The following PADI6 variants were observed in gnomAD, a reference collection of about 807,000 sequenced individuals.
PADI6 encodes inactive protein-arginine deiminase type-6.
PADI6 carries 66 observed loss-of-function variants against 78.2 expected under a neutral mutation model. That is an observed-to-expected ratio of 0.84 (90% confidence interval 0.69 to 1.04). PADI6 has a LOEUF of 1.04. Among genes scored for constraint, PADI6 ranks in the 50% least tolerant of loss-of-function variants. The probability of loss-of-function intolerance (pLI) is 0.00; values close to 1 mark genes in which losing one functional copy is unlikely to be tolerated. For missense variants in PADI6, 854 were observed against 866.1 expected, an observed-to-expected ratio of 0.99 and a Z score of 0.18; for synonymous variants, 397 against 346.9, an observed-to-expected ratio of 1.14 and a Z score of -1.60.
At chr1:17,379,572 T>C (rs924305180) in intron 3 of PADI6, among the ~76,000 whole-genome samples, 1 of 152,198 alleles carries the variant, frequency 6.6e-6, no homozygotes, top group African/African-American at 2.4e-5. Context: ...GCCTTTCCTA[T>C]GTCTTGGAGC....
In PADI6 at chr1:17,395,672, A is replaced by C. The variant is rs2075239401; in HGVS notation, c.1618+9A>C. 6.2e-7 allele frequency: 1 copy of C among 1,608,884 alleles called. No individual in the cohort carries two copies. Among genetic ancestry groups the C allele is most frequent in the Non-Finnish European group, 8.5e-7 (1 of 1,176,882 alleles). Reference sequence around the variant, plus strand: ...TCAGCTCCTGTCTAATGGTAAGGGAACTCCCTTTCCACAGAACAGAACTGG... The same window carrying C: ...TCAGCTCCTGTCTAATGGTAAGGGACCTCCCTTTCCACAGAACAGAACTGG... On this transcript the variant is annotated intron_variant, in intron 13 of 15. Coordinates refer to ENST00000619609, the MANE Select transcript of PADI6 (RefSeq NM_207421.4).
At chr1:17,384,466 G>T (rs146614666) in intron 6 of PADI6, among the ~76,000 whole-genome samples, 1 of 151,040 alleles carries the variant, frequency 6.6e-6, no homozygotes, top group African/African-American at 2.4e-5. Context: ...CTGGCCAGGC[G>T]TGGTGGTTCA....
intron 12 of PADI6, 52 bp from the exon 13 acceptor site, chr1:17,395,488 C>A: frequency 1.3e-6 from 2 of 1,536,950 alleles, no homozygotes; most frequent in South Asian, 2.4e-5. Context: ...CAGATATGAG[C>A]CACCATGTCC....
chr1:17,396,364 C>G (rs1409486623), intron 13 of PADI6, among the ~76,000 whole-genome samples: 2 of 152,070 alleles, frequency 1.3e-5, no homozygotes, highest in Non-Finnish European at 2.9e-5. Flanking sequence ...CCAGCCTGGG[C>G]CACAGAGCAA....
intron 6 of PADI6, among the ~76,000 whole-genome samples, chr1:17,382,670 C>CTTG (rs142438786): frequency 0.11 from 16,044 of 152,236 alleles, 891 homozygotes; most frequent in Non-Finnish European, 0.13. Context: ...GCAAAACAGC[C>CTTG]TTGCACATCT....
At chr1:17,393,039 T>C (rs10888031) in intron 9 of PADI6, among the ~76,000 whole-genome samples, 236 of 151,752 alleles carry the variant, frequency 1.6e-3, no homozygotes, top group African/African-American at 5.4e-3. Context: ...CCACCTACTC[T>C]GGTCACTGAG....
intron 14 of PADI6, 37 bp from the exon 15 acceptor site, chr1:17,398,649 C>CGGGGGGGGGG: frequency 1.1e-5 from 1 of 91,312 alleles, no homozygotes. Flanking sequence ...TCTCCTTGCT[C>CGGGGGGGGGG]CCCCGCCCCC....
Position 17,380,194 on chromosome 1 carries a change from GT to G in PADI6, c.435+216del, listed in dbSNP as rs113168303. 3.5e-3 allele frequency among the ~76,000 whole-genome samples: 530 copies of G among 151,092 alleles called. 2 individuals are homozygous for G. The highest frequency in any genetic ancestry group is 0.012 in the African/African-American group (500 of 41,232). The stretch of plus-strand genomic sequence containing the variant: ...CTTTTCTTTTGTGGGGTATTTTTTT[GT>G]TTTTTTTTGTTTGTTTGTTTTTGAT... On this transcript the variant is annotated intron_variant, in intron 4 of 15. Transcript: ENST00000619609.
chr1:17,372,837 A>G (rs944057928), intron 1 of PADI6, among the ~76,000 whole-genome samples: 3 of 150,790 alleles, frequency 2.0e-5, no homozygotes, highest in African/African-American at 7.3e-5. Context: ...TAACTTCTGC[A>G]GTGTCGGTAG....
At chr1:17,391,980 C>G (rs745541512) in intron 8 of PADI6, 134 bp from the exon 9 acceptor site, 1 of 689,902 alleles carries the variant, frequency 1.4e-6, no homozygotes, top group South Asian at 1.8e-5. Flanking sequence ...GATGGTTGCT[C>G]TGTCGACCTC....
intron 6 of PADI6, among the ~76,000 whole-genome samples, chr1:17,386,681 G>T (rs1019322480): frequency 6.6e-6 from 1 of 152,180 alleles, no homozygotes; most frequent in Non-Finnish European, 1.5e-5. Context: ...GAGTGGTCCC[G>T]GTGGGCCCAG....
chr1:17,398,980 CCTT>C, intron 15 of PADI6, 133 bp downstream of exon 15: 1 of 1,020,850 alleles, frequency 9.8e-7, no homozygotes, highest in Non-Finnish European at 1.4e-6. Context: ...GAGGGAGACC[CCTT>C]CTCCCCCATC....
intron 14 of PADI6, among the ~76,000 whole-genome samples, 157 bp downstream of exon 14, chr1:17,397,298 C>T (rs1456442931): frequency 6.6e-6 from 1 of 151,684 alleles, no homozygotes; most frequent in African/African-American, 2.4e-5. Flanking sequence ...AGGCCCAGGT[C>T]TGGGGCTAGA....
At chr1:17,382,135 G>C (rs766424489) in intron 6 of PADI6, 43 bp downstream of exon 6, 2 of 1,604,458 alleles carry the variant, frequency 1.2e-6, no homozygotes, top group Non-Finnish European at 1.7e-6. Flanking sequence ...TGCTCTCGAC[G>C]TGCCAGGCAA....
intron 8 of PADI6, among the ~76,000 whole-genome samples, 178 bp downstream of exon 8, chr1:17,389,058 C>T (rs1187555442): frequency 6.6e-6 from 1 of 152,180 alleles, no homozygotes; most frequent in African/African-American, 2.4e-5. Flanking sequence ...CTGAATATTC[C>T]CAAAGATGGG....
chr1:17,385,523 G>T (rs182694940), intron 6 of PADI6, among the ~76,000 whole-genome samples: 111 of 152,234 alleles, frequency 7.3e-4, no homozygotes, highest in African/African-American at 2.5e-3. Flanking sequence ...AGATCGGAAG[G>T]CATTGTCTGC....
At chr1:17,372,408 C>A (rs987795564) in intron 1 of PADI6, 47 bp downstream of exon 1, 1 of 1,552,942 alleles carries the variant, frequency 6.4e-7, no homozygotes, top group East Asian at 2.2e-5. Context: ...GACAGGCAGG[C>A]AGGCCTGGGA....
At chr1:17,396,439 T>G (rs944857509) in intron 13 of PADI6, among the ~76,000 whole-genome samples, 18 of 152,124 alleles carry the variant, frequency 1.2e-4, no homozygotes, top group African/African-American at 4.3e-4. Flanking sequence ...TATTAGGTTT[T>G]TCTAGACCCT....
intron 3 of PADI6, among the ~76,000 whole-genome samples, chr1:17,376,439 A>G (rs960568552): frequency 6.6e-6 from 1 of 151,534 alleles, no homozygotes; most frequent in African/African-American, 2.4e-5. Flanking sequence ...AGCTGGGACT[A>G]TAGGTACCCG....
Sources: allele counts gnomAD v4.1 joint callset (sites outside exome capture counted in the v4.1 genomes callset), GRCh38; gene constraint gnomAD v4.1.1; transcripts MANE v1.5; gene names NCBI Gene and HGNC (gene_info 2026-07-23, HGNC 2026-07-21).